Variants in ITGBL1 observed in about 807,000 individuals in gnomAD.
ITGBL1 encodes the protein integrin beta-like protein 1.
Under a neutral mutation model 68.5 loss-of-function variants are expected in ITGBL1, and 51 were observed. That is an observed-to-expected ratio of 0.74 (90% CI 0.59 to 0.94). ITGBL1 has a LOEUF of 0.94. Ranked by LOEUF, ITGBL1 falls within the 40% of genes least tolerant of loss-of-function variation. The pLI, the probability that ITGBL1 is intolerant of heterozygous loss-of-function variation, is 0.00. For missense variants in ITGBL1, 649 were observed against 647.4 expected (o/e 1.00, Z -0.03); for synonymous variants, 209 against 227.3 (o/e 0.92, Z 0.72).
chr13:101,653,504 T>C (rs2032818889), intron 7 of ITGBL1, among the ~76,000 whole-genome samples: 1 of 152,152 alleles, frequency 6.6e-6, no homozygotes, highest in South Asian at 2.1e-4. Context: ...TCAACAAATA[T>C]ATGTTAGGTA....
chr13:101,595,159 C>T (rs1376219650), intron 6 of ITGBL1, among the ~76,000 whole-genome samples: 4 of 152,132 alleles, frequency 2.6e-5, no homozygotes, highest in Non-Finnish European at 5.9e-5. Context: ...AGGAAGCATG[C>T]CACCAGCTTC....
intron 2 of ITGBL1, among the ~76,000 whole-genome samples, chr13:101,517,593 C>T (rs2049216125): frequency 6.6e-6 from 1 of 152,074 alleles, no homozygotes; most frequent in Non-Finnish European, 1.5e-5. Context: ...TAAACCAGGA[C>T]CACTAAATGA....
At chr13:101,531,138 A>G (rs1310772853) in intron 2 of ITGBL1, among the ~76,000 whole-genome samples, 10 of 152,136 alleles carry the variant, frequency 6.6e-5, no homozygotes. Flanking sequence ...TGTGTACTAT[A>G]TATTTAGTTG....
chr13:101,577,577 A>AATATAG (rs2050383750), intron 4 of ITGBL1, among the ~76,000 whole-genome samples: 2 of 152,188 alleles, frequency 1.3e-5, no homozygotes, highest in Non-Finnish European at 2.9e-5. Context: ...GGATGTGAGA[A>AATATAG]ATATAGATTT....
At chr13:101,650,074 CG>C (rs1051076010) in intron 7 of ITGBL1, among the ~76,000 whole-genome samples, 4 of 143,612 alleles carry the variant, frequency 2.8e-5, no homozygotes, top group African/African-American at 1.1e-4. Flanking sequence ...AGATAATTAG[CG>C]TTTTTTTCTG....
At chr13:101,486,262 C>T (rs2048701384) in intron 2 of ITGBL1, among the ~76,000 whole-genome samples, 1 of 152,266 alleles carries the variant, frequency 6.6e-6, no homozygotes. Flanking sequence ...AATATATGTT[C>T]TCACTTATAA....
At chr13:101,711,862 T>C (rs2034483433) in intron 9 of ITGBL1, 1 of 152,244 alleles carries the variant, frequency 6.6e-6, no homozygotes. Context: ...GCTGTGGTGA[T>C]GAACTATCTG....
chr13:101,575,546 G>A lies in ITGBL1; in HGVS notation c.586G>A (p.Gly196Ser). The change falls in exon 4 of 11, where the codon GGC (glycine) becomes AGC (serine). Residue 196 changes from glycine to serine, a missense_variant and splice_region_variant. Transcript: ENST00000376180. ...CGATGAAACAGAAGAAATATGTGGA[G>A]GTATGTATATTGGCTCTGTAGAAAT... is the stretch of plus-strand genomic sequence containing the variant. Reference protein sequence around the residue: ...IDDETEEICGGHGKCYCGNCY... With the variant: ...IDDETEEICGSHGKCYCGNCY... 1 of 1,611,572 alleles carries A rather than the reference G, an allele frequency of 6.2e-7. No homozygotes were observed.
intron 7 of ITGBL1, among the ~76,000 whole-genome samples, chr13:101,688,235 G>A (rs984932317): frequency 2.6e-5 from 4 of 152,032 alleles, no homozygotes; most frequent in Admixed American, 6.6e-5. Context: ...TTTAACAATT[G>A]GGTTGAGGCA....
At chr13:101,698,872 T>C (rs1594989989) in intron 8 of ITGBL1, among the ~76,000 whole-genome samples, 1 of 152,204 alleles carries the variant, frequency 6.6e-6, no homozygotes, top group Non-Finnish European at 1.5e-5. Context: ...AGGCTGCTTA[T>C]TGCTTTTCTT....
chr13:101,677,692 T>C (rs1170323813), intron 7 of ITGBL1, among the ~76,000 whole-genome samples: 3 of 152,184 alleles, frequency 2.0e-5, no homozygotes, highest in Non-Finnish European at 4.4e-5. Context: ...TGCTCATGGG[T>C]AGAATCCTAT....
At chr13:101,663,805 A>C (rs1395112216) in intron 7 of ITGBL1, among the ~76,000 whole-genome samples, 2 of 152,088 alleles carry the variant, frequency 1.3e-5, no homozygotes, top group Non-Finnish European at 2.9e-5. Context: ...CATTGCACTA[A>C]AACTTGGATG....
intron 7 of ITGBL1, among the ~76,000 whole-genome samples, chr13:101,674,763 TTATTTCTG>T (rs1363648130): frequency 6.6e-6 from 1 of 152,094 alleles, no homozygotes; most frequent in Non-Finnish European, 1.5e-5. Context: ...TGTCTTTATG[TTATTTCTG>T]TATCCATGCT....
At chr13:101,462,331 T>C (rs986131829) in intron 2 of ITGBL1, among the ~76,000 whole-genome samples, 2 of 152,226 alleles carry the variant, frequency 1.3e-5, no homozygotes, top group African/African-American at 2.4e-5. Flanking sequence ...AAAGTCACTT[T>C]TGCCACGTAA....
chr13:101,541,765 C>A (rs2049708128), intron 2 of ITGBL1, among the ~76,000 whole-genome samples: 1 of 152,150 alleles, frequency 6.6e-6, no homozygotes, highest in Admixed American at 6.5e-5. Flanking sequence ...GATTCAACTT[C>A]TTCCTGGTTT....
intron 5 of ITGBL1, among the ~76,000 whole-genome samples, chr13:101,581,030 T>C (rs746989616): frequency 2.6e-4 from 40 of 152,072 alleles, no homozygotes; most frequent in Non-Finnish European, 2.2e-4. Flanking sequence ...TCTCAAAAGA[T>C]AATACTCCTG....
chr13:101,667,261 G>A (rs1289724287), intron 7 of ITGBL1, among the ~76,000 whole-genome samples: 1 of 152,120 alleles, frequency 6.6e-6, no homozygotes, highest in Non-Finnish European at 1.5e-5. Flanking sequence ...AGTGCAACTA[G>A]AGGGCTAACA....
At chr13:101,693,297 C>G (rs7995858) in intron 8 of ITGBL1, among the ~76,000 whole-genome samples, 5,657 of 152,220 alleles carry the variant, frequency 0.037, 372 homozygotes, top group African/African-American at 0.13. Flanking sequence ...TCTTGCATTG[C>G]ATTCTTGAAA....
chr13:101,611,481 A>G (rs910874302), intron 7 of ITGBL1, among the ~76,000 whole-genome samples: 1 of 152,222 alleles, frequency 6.6e-6, no homozygotes, highest in Admixed American at 6.5e-5. Flanking sequence ...GACAACTGTC[A>G]GCAGTCAGAT....
Sources: gnomAD v4.1 joint callset for allele counts (sites outside exome capture counted in the v4.1 genomes callset) on GRCh38, gnomAD v4.1.1 for gene constraint, MANE v1.5 for transcripts, NCBI Gene and HGNC (gene_info 2026-07-23, HGNC 2026-07-21) for gene names.